The following ZNF804A variants were observed in gnomAD, a reference collection of about 807,000 sequenced individuals.
The protein encoded by ZNF804A is zinc finger protein 804A.
In ZNF804A, 2 loss-of-function variants were observed where a neutral mutation model predicts 16.5. That is an observed-to-expected ratio of 0.12 (90% CI 0.05 to 0.38). The LOEUF is 0.38. Ranked by LOEUF, ZNF804A falls within the 10% of genes least tolerant of loss-of-function variation. The pLI is 0.99. For synonymous variants in ZNF804A, 534 were observed against 489.6 expected, an observed-to-expected ratio of 1.09 and a Z score of -1.20; for missense variants, 1,473 against 1,390.7, an observed-to-expected ratio of 1.06 and a Z score of -0.94.
chr2:184,768,394 T>C (rs1694162538), intron 1 of ZNF804A, among the ~76,000 whole-genome samples: 2 of 152,108 alleles, frequency 1.3e-5, no homozygotes, highest in Admixed American at 6.6e-5. Context: ...TAGTGGACTT[T>C]ATGAAACATT....
rs554410119 is a variant in ZNF804A at position 184,937,992 on chromosome 2, G to A, written c.2596G>A (p.Glu866Lys). 1 of 1,614,008 alleles carries A rather than the reference G, an allele frequency of 6.2e-7. No homozygotes were observed. The highest frequency in any genetic ancestry group is 8.5e-7 in the Non-Finnish European group (1 of 1,179,994). The change falls in exon 4 of 4, where the codon GAA becomes AAA. Residue 866 changes from glutamate (E) to lysine (K), a missense_variant. By Grantham distance (56) the Glu-to-Lys change is moderately conservative. Transcript: ENST00000302277. Reference protein sequence around the residue: ...KMKPQEVAKIERNSEQTNQLR... With the variant: ...KMKPQEVAKIKRNSEQTNQLR... Reference sequence around the variant, plus strand: ...GAAACCACAAGAAGTTGCAAAAATCGAAAGGAACTCAGAACAAACAAACCA... The same window carrying A: ...GAAACCACAAGAAGTTGCAAAAATCAAAAGGAACTCAGAACAAACAAACCA...
chr2:184,871,797 A>G (rs1231321531), intron 2 of ZNF804A, among the ~76,000 whole-genome samples: 2 of 152,040 alleles, frequency 1.3e-5, no homozygotes, highest in African/African-American at 2.4e-5. Flanking sequence ...TTAGTTTACT[A>G]GGAGAATAAA....
At chr2:184,645,242 T>G (rs557724470) in intron 1 of ZNF804A, among the ~76,000 whole-genome samples, 1 of 152,296 alleles carries the variant, frequency 6.6e-6, no homozygotes, top group South Asian at 2.1e-4. Flanking sequence ...GTTATTATGG[T>G]AATAACATCC....
intron 1 of ZNF804A, among the ~76,000 whole-genome samples, chr2:184,665,761 G>A (rs1186850291): frequency 6.6e-6 from 1 of 152,180 alleles, no homozygotes; most frequent in Non-Finnish European, 1.5e-5. Context: ...GCCCCTGGGG[G>A]CTGCTATCTG....
intron 1 of ZNF804A, among the ~76,000 whole-genome samples, chr2:184,724,031 G>A (rs998646714): frequency 4.0e-5 from 6 of 151,510 alleles, no homozygotes; most frequent in African/African-American, 9.7e-5. Context: ...CATAGTTTTG[G>A]CAGTTGTTAT....
At chr2:184,824,944 G>A (rs4544394) in intron 1 of ZNF804A, among the ~76,000 whole-genome samples, 21,930 of 152,106 alleles carry the variant, frequency 0.14, 1,708 homozygotes, top group Middle Eastern at 0.24. Flanking sequence ...GTCCTATGGA[G>A]TCAGTCCTAG....
intron 1 of ZNF804A, among the ~76,000 whole-genome samples, chr2:184,733,900 CT>C (rs958899141): frequency 6.2e-4 from 91 of 147,294 alleles, no homozygotes; most frequent in African/African-American, 1.1e-3. Flanking sequence ...TTTGTGTGCA[CT>C]TTTTTTTTTC....
intron 1 of ZNF804A, among the ~76,000 whole-genome samples, chr2:184,662,680 G>A (rs1485034009): frequency 6.6e-6 from 1 of 152,078 alleles, no homozygotes; most frequent in Non-Finnish European, 1.5e-5. Flanking sequence ...ATGTGAAAAT[G>A]CATAGTAAAA....
chr2:184,904,632 A>G (rs1685241490), intron 2 of ZNF804A, among the ~76,000 whole-genome samples: 1 of 152,102 alleles, frequency 6.6e-6, no homozygotes, highest in African/African-American at 2.4e-5. Context: ...ATAACTACCT[A>G]TAAAAGAAGG....
intron 1 of ZNF804A, among the ~76,000 whole-genome samples, chr2:184,672,089 A>G (rs1692346471): frequency 6.6e-6 from 1 of 152,206 alleles, no homozygotes. Context: ...TATCTAAGAC[A>G]CTGTTTGAAG....
At chr2:184,608,757 T>G (rs1173691720) in intron 1 of ZNF804A, among the ~76,000 whole-genome samples, 6 of 152,162 alleles carry the variant, frequency 3.9e-5, no homozygotes. Context: ...GACAAGCTTA[T>G]AAGAGAAGAT....
At chr2:184,828,307 A>G (rs1429085797) in intron 1 of ZNF804A, among the ~76,000 whole-genome samples, 1 of 151,842 alleles carries the variant, frequency 6.6e-6, no homozygotes, top group Non-Finnish European at 1.5e-5. Context: ...TTATTTTGTT[A>G]ATATAATTAC....
At chr2:184,864,581 C>G (rs1364029025) in intron 1 of ZNF804A, among the ~76,000 whole-genome samples, 3 of 152,170 alleles carry the variant, frequency 2.0e-5, no homozygotes, top group African/African-American at 4.8e-5. Context: ...TTACTATAAA[C>G]TATGCCTCCC....
At chr2:184,839,974 G>A (rs1362819229) in intron 1 of ZNF804A, among the ~76,000 whole-genome samples, 1 of 152,106 alleles carries the variant, frequency 6.6e-6, no homozygotes, top group Non-Finnish European at 1.5e-5. Flanking sequence ...TAATATCTAA[G>A]TCTGCCTGCA....
chr2:184,645,362 A>C (rs1217373344), intron 1 of ZNF804A, among the ~76,000 whole-genome samples: 1 of 152,132 alleles, frequency 6.6e-6, no homozygotes, highest in Non-Finnish European at 1.5e-5. Context: ...CTACAGTACA[A>C]ATATTAAAAG....
At chr2:184,776,442 T>C (rs1558958502) in intron 1 of ZNF804A, among the ~76,000 whole-genome samples, 1 of 151,494 alleles carries the variant, frequency 6.6e-6, no homozygotes, top group Non-Finnish European at 1.5e-5. Flanking sequence ...GATGACACTT[T>C]GGAGGTTCAG....
At position 184,764,814 on chromosome 2, in the gene ZNF804A, A is replaced by G. The variant is rs77491207; in HGVS notation, c.112-101555A>G. Among the ~76,000 whole-genome samples the G allele has an allele frequency of 2.7e-3, 409 of 152,290 alleles. 2 individuals carry two copies. The highest frequency in any genetic ancestry group is 8.3e-3 in the African/African-American group (347 of 41,566). Reference sequence around the variant, plus strand: ...GTCAATATAATAGTTTATGAAAAAAATGATGTGCAAGTAATTTATACTGTT... The same window carrying G: ...GTCAATATAATAGTTTATGAAAAAAGTGATGTGCAAGTAATTTATACTGTT... On this transcript the variant is annotated intron_variant, in intron 1 of 3. Coordinates refer to ENST00000302277, the MANE Select transcript of ZNF804A (RefSeq NM_194250.2).
At chr2:184,768,668 C>T (rs181817769) in intron 1 of ZNF804A, among the ~76,000 whole-genome samples, 1 of 151,832 alleles carries the variant, frequency 6.6e-6, no homozygotes, top group Non-Finnish European at 1.5e-5. Flanking sequence ...TTTATAGCCA[C>T]TATTATAGAA....
chr2:184,700,998 GA>G (rs1480539739), intron 1 of ZNF804A, among the ~76,000 whole-genome samples: 1 of 151,700 alleles, frequency 6.6e-6, no homozygotes, highest in African/African-American at 2.4e-5. Flanking sequence ...TAACTATTTG[GA>G]AAAATAAAAT....
Sources: allele counts gnomAD v4.1 joint callset (sites outside exome capture counted in the v4.1 genomes callset), GRCh38; gene constraint gnomAD v4.1.1; transcripts MANE v1.5; gene names NCBI Gene and HGNC (gene_info 2026-07-23, HGNC 2026-07-21).